Variants in IL7 observed in about 807,000 individuals in gnomAD.
IL7 encodes the protein interleukin 7, also known as interleukin-7.
In IL7, 3 loss-of-function variants were observed where a neutral mutation model predicts 21.6. The observed-to-expected ratio is 0.14, with a 90% CI of 0.06 to 0.36. The LOEUF is 0.36. Ranked by LOEUF, IL7 falls within the 10% of genes least tolerant of loss-of-function variation. IL7 has a pLI of 1.00. For synonymous variants in IL7, 62 were observed against 68.1 expected, an observed-to-expected ratio of 0.91 and a Z score of 0.44; for missense variants, 175 against 200.2, an observed-to-expected ratio of 0.87 and a Z score of 0.76.
chr8:78,689,220 A>G, intron 3 of IL7: 1 of 1,551,810 alleles, frequency 6.4e-7, no homozygotes, highest in Non-Finnish European at 8.7e-7. Context: ...TATCTGTTAT[A>G]GATTATATTC....
At chr8:78,791,566 G>C (rs927185173) in intron 2 of IL7, among the ~76,000 whole-genome samples, 10 of 152,152 alleles carry the variant, frequency 6.6e-5, no homozygotes, top group South Asian at 2.1e-4. Flanking sequence ...CTTGAACCTG[G>C]GAGGTGGAGA....
chr8:78,784,710 A>G (rs766392571), intron 2 of IL7, among the ~76,000 whole-genome samples: 1 of 152,128 alleles, frequency 6.6e-6, no homozygotes, highest in Non-Finnish European at 1.5e-5. Context: ...AATTTGAGAC[A>G]GTAGCAAGAA....
In IL7 at chr8:78,805,313, T is replaced by G; in HGVS notation, c.-391A>C. Reference sequence around the variant, plus strand: ...ATGAGGACCAGAGGAATTCGCGAATTTCCGAATCACCGCAGGAAAAACCAG... The same window carrying G: ...ATGAGGACCAGAGGAATTCGCGAATGTCCGAATCACCGCAGGAAAAACCAG... On this transcript the variant is annotated 5_prime_UTR_variant, in exon 1 of 6. Transcript: ENST00000263851. 5.7e-6 allele frequency: 1 copy of G among 175,226 alleles called. No individual in the cohort carries two copies. Among genetic ancestry groups the G allele is most frequent in the Non-Finnish European group, 1.2e-5 (1 of 82,964 alleles). The allele number at this position is 175,226 out of a possible 1,614,324, so 10.9% of individuals were successfully genotyped here. A position where few individuals can be genotyped will look rare whatever the true frequency, so the allele number is the denominator to read the frequency against.
intron 2 of IL7, among the ~76,000 whole-genome samples, chr8:78,782,536 TG>T (rs925902505): frequency 6.6e-6 from 1 of 152,130 alleles, no homozygotes; most frequent in South Asian, 2.1e-4. Context: ...CTCCCACCCC[TG>T]GGGGTGTCAC....
chr8:78,700,397 G>A (rs1219276590), intron 3 of IL7, among the ~76,000 whole-genome samples: 1 of 151,810 alleles, frequency 6.6e-6, no homozygotes, highest in Non-Finnish European at 1.5e-5. Flanking sequence ...TATAGATGCT[G>A]GGTATTAGAC....
At chr8:78,771,142 T>C (rs1812935340) in intron 2 of IL7, among the ~76,000 whole-genome samples, 1 of 151,332 alleles carries the variant, frequency 6.6e-6, no homozygotes, top group South Asian at 2.1e-4. Context: ...CCTAGCTGTT[T>C]CCTGGCTGTT....
At position 78,697,257 on chromosome 8, in the gene IL7, G is replaced by T. The variant is rs554411843; in HGVS notation, n.215-11310C>A. The stretch of plus-strand genomic sequence containing the variant: ...ACAAGTGTTTTAATACATTAATGAT[G>T]TGCAACCATCATCACCATTCATTTC... On this transcript the variant is annotated intron_variant and non_coding_transcript_variant, in intron 3 of 4. Transcript: ENST00000523959. The T allele has an allele frequency of 6.6e-5, 40 of 608,410 alleles. No homozygotes were observed. The South Asian group carries it at 9.0e-4, about 14-fold the overall frequency. 37.7% of individuals were successfully genotyped at this position (608,410 alleles called of 1,614,324 possible). A position where few individuals can be genotyped will look rare whatever the true frequency, so the allele number is the denominator to read the frequency against.
intron 2 of IL7, among the ~76,000 whole-genome samples, chr8:78,773,560 G>T (rs1198945651): frequency 1.3e-5 from 2 of 152,102 alleles, no homozygotes; most frequent in Non-Finnish European, 2.9e-5. Flanking sequence ...TTTGGTTGTG[G>T]TGCTGGGCGT....
chr8:78,774,194 C>A (rs142750075), intron 2 of IL7, among the ~76,000 whole-genome samples: 6 of 152,066 alleles, frequency 3.9e-5, no homozygotes. Context: ...GCAAGAGATA[C>A]CAAGTATTTG....
rs192322784 is a variant in IL7, at chr8:78,779,827, T to C, written c.147+18245A>G. On this transcript the variant is annotated intron_variant, in intron 2 of 5. Coordinates refer to ENST00000263851, the MANE Select transcript of IL7 (RefSeq NM_000880.4). The stretch of plus-strand genomic sequence containing the variant: ...AGAAAAAATGGTACCAGCTCCTCTT[T>C]GTACCTCTGGTAGAATTCAGCTCTA... 7.2e-4 allele frequency among the ~76,000 whole-genome samples: 109 copies of C among 152,308 alleles called. 2 individuals are homozygous for C. The East Asian group carries it at 0.013, about 18-fold the overall frequency.
At chr8:78,792,236 A>G (rs1813721758) in intron 2 of IL7, among the ~76,000 whole-genome samples, 1 of 152,130 alleles carries the variant, frequency 6.6e-6, no homozygotes, top group East Asian at 1.9e-4. Context: ...TAGCCACATG[A>G]AAAAGAATGA....
At chr8:78,719,139 A>G (rs1383350183) in intron 5 of IL7, 2 of 151,822 alleles carry the variant, frequency 1.3e-5, no homozygotes, top group Non-Finnish European at 3.0e-5. Flanking sequence ...ATGAATGCAT[A>G]TATTAGATTT....
intron 2 of IL7, among the ~76,000 whole-genome samples, chr8:78,793,143 A>G (rs1346769499): frequency 5.3e-5 from 8 of 152,160 alleles, no homozygotes; most frequent in Non-Finnish European, 2.9e-5. Flanking sequence ...CATATCATCC[A>G]TATGAATTAT....
chr8:78,725,540 G>A (rs1351629585), intron 3 of IL7, among the ~76,000 whole-genome samples: 1 of 151,866 alleles, frequency 6.6e-6, no homozygotes, highest in East Asian at 1.9e-4. Flanking sequence ...GATTAGACTC[G>A]GATCTGCTGT....
chr8:78,738,690 A>G, intron 3 of IL7, 55 bp from the exon 4 acceptor site: 2 of 1,547,468 alleles, frequency 1.3e-6, no homozygotes, highest in Non-Finnish European at 1.8e-6. Flanking sequence ...TTAAGAAATT[A>G]TAAGCTTTCT....
At position 78,782,777 on chromosome 8, in the gene IL7, C is replaced by T. The variant is rs779610409; in HGVS notation, c.147+15295G>A. Among the ~76,000 whole-genome samples, 12 of 152,044 alleles carry T rather than the reference C, an allele frequency of 7.9e-5. No individual in the cohort carries two copies. In the South Asian group the frequency reaches 1.0e-3, roughly 13 times the overall value. On this transcript the variant is annotated intron_variant, in intron 2 of 5. Transcript: ENST00000263851. ...AACTGCCTGGATTCCTCAGAGCCAG[C>T]GGGGAAAAGACTAAGTCTGCTGATC...
At chr8:78,724,738 A>T (rs1419564105) in intron 3 of IL7, among the ~76,000 whole-genome samples, 1 of 152,058 alleles carries the variant, frequency 6.6e-6, no homozygotes, top group East Asian at 1.9e-4. Flanking sequence ...GAGTAGCTTT[A>T]TACCCTCTCT....
chr8:78,745,946 G>C (rs1185413178), intron 2 of IL7, among the ~76,000 whole-genome samples: 5 of 152,194 alleles, frequency 3.3e-5, no homozygotes, highest in Non-Finnish European at 7.4e-5. Flanking sequence ...CACCTTCTTT[G>C]TGTGGGTGTC....
At chr8:78,792,028 A>G (rs1813714164) in intron 2 of IL7, among the ~76,000 whole-genome samples, 1 of 152,162 alleles carries the variant, frequency 6.6e-6, no homozygotes, top group African/African-American at 2.4e-5. Flanking sequence ...GAAAGACAAA[A>G]CTGATTTCAA....
Sources: gnomAD v4.1 joint callset for allele counts (sites outside exome capture counted in the v4.1 genomes callset) on GRCh38, gnomAD v4.1.1 for gene constraint, MANE v1.5 for transcripts, NCBI Gene and HGNC (gene_info 2026-07-23, HGNC 2026-07-21) for gene names.